Variants in GLRA1 observed in about 807,000 individuals in gnomAD.
The protein encoded by GLRA1 is glycine receptor alpha 1.
Under a neutral mutation model 48.3 loss-of-function variants are expected in GLRA1, and 37 were observed. That is an observed-to-expected ratio of 0.77 (90% CI 0.59 to 1.01). The LOEUF (loss-of-function observed/expected upper bound fraction) is 1.01. Ranked by LOEUF, GLRA1 falls within the 50% of genes least tolerant of loss-of-function variation. The pLI, the probability that GLRA1 is intolerant of heterozygous loss-of-function variation, is 0.00. For synonymous variants in GLRA1, 196 were observed against 210.7 expected, an observed-to-expected ratio of 0.93 and a Z score of 0.60; for missense variants, 427 against 571.0, an observed-to-expected ratio of 0.75 and a Z score of 2.57.
At position 151,859,825 on chromosome 5, in the gene GLRA1, G is replaced by A; in HGVS notation, c.436C>T (p.Leu146=). 1 of 1,614,006 alleles carries A rather than the reference G, an allele frequency of 6.2e-7. No individual in the cohort carries two copies. The highest frequency in any genetic ancestry group is 8.5e-7 in the Non-Finnish European group (1 of 1,179,900). ...FHEITTDNKL[L]RISRNGNVLY... ...ACATTCCCATTCCGGGAGATCCTTA[G>A]CAATTTGTTGTCTGTGGTGATCTCA... The change falls in exon 4 of 9, where the codon CTA becomes TTA. Residue 146 remains leucine, a synonymous_variant. Coordinates refer to ENST00000274576, the MANE Select transcript of GLRA1 (RefSeq NM_000171.4).
chr5:151,905,931 T>C (rs1202278046), intron 1 of GLRA1, among the ~76,000 whole-genome samples: 1 of 152,212 alleles, frequency 6.6e-6, no homozygotes, highest in Non-Finnish European at 1.5e-5. Context: ...TAAATTGCCC[T>C]GCATATGTCT....
rs1364378394 is a variant in GLRA1 at position 151,829,073 on chromosome 5, G to A, written c.913-6C>T. The stretch of plus-strand genomic sequence containing the variant: ...ATGGCTTTCACATAGGACACCTAGA[G>A]TGGGGGTGGAGGAGAAACAGGGAGG... On this transcript the variant is annotated splice_polypyrimidine_tract_variant and splice_region_variant and intron_variant, in intron 7 of 8. Coordinates refer to ENST00000274576, the MANE Select transcript of GLRA1 (RefSeq NM_000171.4). The A allele has an allele frequency of 5.0e-6, 8 of 1,613,626 alleles. No homozygotes were observed. Among genetic ancestry groups the A allele is most frequent in the Non-Finnish European group, 5.9e-6 (7 of 1,179,794 alleles).
Position 151,855,089 on chromosome 5 carries a change from G to A in GLRA1, c.648C>T (p.Ile216=). Residue 216 remains isoleucine, a synonymous_variant, in exon 6 of 9, where the codon ATC becomes ATT. Transcript: ENST00000274576. ...ATCTCAAGTCCTTCTCTTCCTTCAA[G>A]ATAAACTGGGGCAGAGTTAGTCCAT... ...VADGLTLPQF[I]LKEEKDLRYC... The A allele has an allele frequency of 6.2e-7, 1 of 1,614,048 alleles. No homozygotes were observed. Among genetic ancestry groups the A allele is most frequent in the South Asian group, 1.1e-5 (1 of 91,072 alleles).
intron 1 of GLRA1, among the ~76,000 whole-genome samples, chr5:151,901,571 T>A (rs967049242): frequency 1.3e-5 from 2 of 152,190 alleles, no homozygotes; most frequent in African/African-American, 4.8e-5. Flanking sequence ...TTTAATCAGA[T>A]AAATCTCACT....
At chr5:151,849,213 C>CTTTT (rs1752802339) in intron 7 of GLRA1, 1 of 78,338 alleles carries the variant, frequency 1.3e-5, no homozygotes, top group African/African-American at 6.5e-5. Context: ...TTCTTTCCTT[C>CTTTT]CTTTCTTCCT....
At chr5:151,878,666 C>T (rs757390041) in intron 3 of GLRA1, among the ~76,000 whole-genome samples, 9 of 152,164 alleles carry the variant, frequency 5.9e-5, no homozygotes, top group African/African-American at 9.7e-5. Context: ...CCAGCCATGA[C>T]TAAAAGGTGC....
At chr5:151,849,248 T>TCCTTCCTTCCTTCCTC (rs1752806532) in intron 7 of GLRA1, among the ~76,000 whole-genome samples, 1 of 99,050 alleles carries the variant, frequency 1.0e-5, no homozygotes, top group African/African-American at 4.3e-5. Context: ...CTTCCTTCCT[T>TCCTTCCTTCCTTCCTC]CCCTTCTTTC....
At chr5:151,870,098 A>G (rs1753439009) in intron 3 of GLRA1, among the ~76,000 whole-genome samples, 1 of 149,822 alleles carries the variant, frequency 6.7e-6, no homozygotes, top group African/African-American at 2.5e-5. Flanking sequence ...TATTAAATAC[A>G]ATATGTTAGA....
intron 7 of GLRA1, among the ~76,000 whole-genome samples, chr5:151,831,391 A>G (rs149150694): frequency 1.4e-4 from 22 of 152,328 alleles, no homozygotes; most frequent in African/African-American, 5.1e-4. Context: ...GCAAGCTAAG[A>G]TCCACTGGCT....
Position 151,855,190 on chromosome 5 carries a change from C to T in GLRA1, c.560-13G>A, listed in dbSNP as rs773632639. 6.2e-7 allele frequency: 1 copy of T among 1,613,736 alleles called. No homozygotes were observed. Among genetic ancestry groups the T allele is most frequent in the African/African-American group, 1.3e-5 (1 of 75,036 alleles). Reference sequence around the variant, plus strand: ...ATCGTATATCCAACTGGGATGGGATCAGAAGAAGGAGCAGTCACCACTCAG... The same window carrying T: ...ATCGTATATCCAACTGGGATGGGATTAGAAGAAGGAGCAGTCACCACTCAG... On this transcript the variant is annotated splice_polypyrimidine_tract_variant and intron_variant, in intron 5 of 8. Transcript: ENST00000274576.
At chr5:151,829,152 G>T in intron 7 of GLRA1, 85 bp from the exon 8 acceptor site, 1 of 1,357,110 alleles carries the variant, frequency 7.4e-7, no homozygotes, top group Non-Finnish European at 1.0e-6. Flanking sequence ...TCTGCTCTTC[G>T]GTAATTCCCC....
chr5:151,873,672 A>C (rs2113382983), intron 3 of GLRA1, among the ~76,000 whole-genome samples: 1 of 152,144 alleles, frequency 6.6e-6, no homozygotes, highest in South Asian at 2.1e-4. Context: ...TCTCAAAAAA[A>C]AAAAAAAAAA....
rs1752854183 is a variant in GLRA1, at chr5:151,849,872, A to G, written c.912+1518T>C. Reference sequence around the variant, plus strand: ...CCTAGCCTAGAATTTTGATGGCTCTAGTATTTTACAGTCTGAAGGCTCCAA... The same window carrying G: ...CCTAGCCTAGAATTTTGATGGCTCTGGTATTTTACAGTCTGAAGGCTCCAA... On this transcript the variant is annotated intron_variant, in intron 7 of 8. Transcript: ENST00000274576. 12 of 1,449,604 alleles carry G rather than the reference A, an allele frequency of 8.3e-6. No individual in the cohort carries two copies. The South Asian group carries it at 9.8e-5, about 12-fold the overall frequency. The allele number at this position is 1,449,604 out of a possible 1,614,324, so 89.8% of individuals were successfully genotyped here. A position where few individuals can be genotyped will look rare whatever the true frequency, so the allele number is the denominator to read the frequency against.
At position 151,922,246 on chromosome 5, in the gene GLRA1, C is replaced by T. The variant is rs75775917; in HGVS notation, c.56+2248G>A. Among the ~76,000 whole-genome samples, 1,167 of 152,294 alleles carry T rather than the reference C, an allele frequency of 7.7e-3. 20 individuals carry two copies. Among genetic ancestry groups the T allele is most frequent in the African/African-American group, 0.026 (1,098 of 41,554 alleles). On this transcript the variant is annotated intron_variant, in intron 1 of 8. Coordinates refer to ENST00000274576, the MANE Select transcript of GLRA1 (RefSeq NM_000171.4). The stretch of plus-strand genomic sequence containing the variant: ...ATGGAACCTGCTAGAGACCTGCCAG[C>T]CTCCATCTACCCCCAAATACATTCT...
At chr5:151,845,933 ACACT>A in intron 7 of GLRA1, among the ~76,000 whole-genome samples, 1 of 152,222 alleles carries the variant, frequency 6.6e-6, no homozygotes, top group Admixed American at 6.5e-5. Context: ...TGAAAACATT[ACACT>A]AAATGAAAGA....
At chr5:151,866,594 C>T (rs1377382736) in intron 3 of GLRA1, among the ~76,000 whole-genome samples, 2 of 152,112 alleles carry the variant, frequency 1.3e-5, no homozygotes, top group African/African-American at 4.8e-5. Context: ...ATTCTTATAC[C>T]TTTTAAAGTC....
intron 7 of GLRA1, among the ~76,000 whole-genome samples, chr5:151,849,217 T>TCTTC (rs1292723314): frequency 0.031 from 1,963 of 62,940 alleles, 176 homozygotes; most frequent in Non-Finnish European, 0.035. Flanking sequence ...TTCCTTCCTT[T>TCTTC]CTTCCTTCCT....
At chr5:151,893,051 G>A (rs1754122034) in intron 1 of GLRA1, among the ~76,000 whole-genome samples, 1 of 152,132 alleles carries the variant, frequency 6.6e-6, no homozygotes, top group South Asian at 2.1e-4. Flanking sequence ...TCTCACTTGG[G>A]AAATTGAGGC....
chr5:151,861,865 T>A (rs1228905695), intron 3 of GLRA1, among the ~76,000 whole-genome samples: 1 of 152,134 alleles, frequency 6.6e-6, no homozygotes, highest in Non-Finnish European at 1.5e-5. Context: ...CCAAGGTAAT[T>A]TATAGATTCA....
Sources: allele counts gnomAD v4.1 joint callset (sites outside exome capture counted in the v4.1 genomes callset), GRCh38; gene constraint gnomAD v4.1.1; transcripts MANE v1.5; gene names NCBI Gene and HGNC (gene_info 2026-07-23, HGNC 2026-07-21).